Variants in SLCO3A1 observed in about 807,000 individuals in gnomAD.
SLCO3A1 encodes solute carrier organic anion transporter family member 3A1.
In SLCO3A1, 27 loss-of-function variants were observed where a neutral mutation model predicts 63.1. The ratio of observed to expected loss-of-function variants is 0.43; its 90% CI spans 0.32 to 0.59. The LOEUF is 0.59. Ranked by LOEUF, SLCO3A1 falls within the 20% of genes least tolerant of loss-of-function variation. SLCO3A1 has a pLI of 0.09. For synonymous variants in SLCO3A1, 473 were observed against 409.9 expected (o/e 1.15, Z -1.86); for missense variants, 773 against 945.8 (o/e 0.82, Z 2.40).
chr15:91,954,927 T>C lies in SLCO3A1; in HGVS notation c.646+38469T>C, dbSNP rs1033729031. ...TCCTAGGAATTAGGCCCTTCTTGGC[T>C]CTGTGCCCTGAGCCATGTTCTCCTC... is the stretch of plus-strand genomic sequence containing the variant. On this transcript the variant is annotated intron_variant, in intron 2 of 9. Coordinates refer to ENST00000318445, the MANE Select transcript of SLCO3A1 (RefSeq NM_013272.4). This position sits in a 1 kb window ranked among gnomAD's most constrained non-coding sequence, Gnocchi z 4.7. Among the ~76,000 whole-genome samples the C allele has an allele frequency of 6.6e-6, 1 of 152,152 alleles. No individual in the cohort carries two copies.
At chr15:92,061,072 G>A (rs2047080982) in intron 2 of SLCO3A1, among the ~76,000 whole-genome samples, 1 of 152,230 alleles carries the variant, frequency 6.6e-6, no homozygotes. Flanking sequence ...GACATCCACA[G>A]TAATTAATGA....
chr15:91,961,066 T>C (rs763716493), intron 2 of SLCO3A1, among the ~76,000 whole-genome samples: 1 of 152,206 alleles, frequency 6.6e-6, no homozygotes, highest in Non-Finnish European at 1.5e-5. Context: ...GTGGCCCTTT[T>C]CTGAATGAAA....
At chr15:92,054,297 AT>A (rs1312706729) in intron 2 of SLCO3A1, among the ~76,000 whole-genome samples, 2 of 152,248 alleles carry the variant, frequency 1.3e-5, no homozygotes, top group Non-Finnish European at 2.9e-5. Flanking sequence ...TGTCCTAAAA[AT>A]TGAATGATTT....
At chr15:91,977,033 T>G (rs1470621397) in intron 2 of SLCO3A1, among the ~76,000 whole-genome samples, 1 of 152,124 alleles carries the variant, frequency 6.6e-6, no homozygotes, top group Non-Finnish European at 1.5e-5. Context: ...AATTTCCTCT[T>G]CCTGATAATC....
chr15:92,101,231 G>T (rs548662549), intron 3 of SLCO3A1, among the ~76,000 whole-genome samples: 145 of 152,264 alleles, frequency 9.5e-4, no homozygotes, highest in African/African-American at 3.3e-3. Context: ...TTTGTTAGCT[G>T]GGCACAGTGG....
chr15:91,877,593 CAG>C (rs1897432164), intron 1 of SLCO3A1, among the ~76,000 whole-genome samples: 1 of 152,074 alleles, frequency 6.6e-6, no homozygotes, highest in East Asian at 1.9e-4. Context: ...TCTGCAGAAA[CAG>C]AGGCTCCACA....
chr15:91,864,728 T>A (rs1036966010), intron 1 of SLCO3A1, among the ~76,000 whole-genome samples: 1 of 152,214 alleles, frequency 6.6e-6, no homozygotes, highest in Non-Finnish European at 1.5e-5. Context: ...GTGTGACAAG[T>A]GACACATTTA....
intron 2 of SLCO3A1, among the ~76,000 whole-genome samples, chr15:92,053,134 A>G (rs2046977580): frequency 6.6e-6 from 1 of 152,078 alleles, no homozygotes; most frequent in Non-Finnish European, 1.5e-5. Flanking sequence ...TGTGCCAGGC[A>G]CCGTGTAGAT....
In SLCO3A1 at chr15:91,991,378, A is replaced by T. The variant is rs148706966; in HGVS notation, c.646+74920A>T. Among the ~76,000 whole-genome samples, 86 of 152,264 alleles carry T rather than the reference A, an allele frequency of 5.6e-4. No individual in the cohort carries two copies. In the East Asian group the frequency reaches 0.016, roughly 28 times the overall value. ...CATGTCTCAAAAAAAAAAATTGCCC[A>T]ATTTTATATGTGTTAACAGTTGTTT... On this transcript the variant is annotated intron_variant, in intron 2 of 9. Transcript: ENST00000318445.
intron 1 of SLCO3A1, among the ~76,000 whole-genome samples, chr15:91,874,703 G>T (rs147661972): frequency 2.0e-4 from 31 of 152,148 alleles, no homozygotes; most frequent in Non-Finnish European, 3.7e-4. Context: ...TCCGATCATC[G>T]CTGTAGAGCT....
At chr15:91,963,419 G>C (rs185236557) in intron 2 of SLCO3A1, among the ~76,000 whole-genome samples, 83 of 115,564 alleles carry the variant, frequency 7.2e-4, no homozygotes, top group African/African-American at 8.8e-4. Flanking sequence ...GGGGGGGGGG[G>C]GCGGCAGCAG....
intron 2 of SLCO3A1, among the ~76,000 whole-genome samples, chr15:92,065,199 C>T (rs1319919637): frequency 6.6e-6 from 1 of 152,158 alleles, no homozygotes; most frequent in Non-Finnish European, 1.5e-5. Context: ...TCTCCTGCCT[C>T]GGCCTCCCAA....
In SLCO3A1 at chr15:92,165,127, G is replaced by T. The variant is rs1294186902; in HGVS notation, c.*1992G>T. 5 of 985,300 alleles carry T rather than the reference G, an allele frequency of 5.1e-6. No homozygotes were observed. The East Asian group carries it at 5.7e-4, about 112-fold the overall frequency. The allele number at this position is 985,300 out of a possible 1,614,324, so 61.0% of individuals were successfully genotyped here. A position where few individuals can be genotyped will look rare whatever the true frequency, so the allele number is the denominator to read the frequency against. On this transcript the variant is annotated 3_prime_UTR_variant, in exon 10 of 10. Transcript: ENST00000318445. ...AGGCTTGAATGACAGCCCAAATCTA[G>T]AGAAGGCACTCAGCAAGACCAACCA...
chr15:92,052,251 A>C (rs2046967114), intron 2 of SLCO3A1, among the ~76,000 whole-genome samples: 1 of 152,158 alleles, frequency 6.6e-6, no homozygotes, highest in African/African-American at 2.4e-5. Context: ...AGATGGGGTC[A>C]GCATTGTATC....
chr15:92,117,693 C>T (rs1347309441), intron 4 of SLCO3A1, among the ~76,000 whole-genome samples: 1 of 152,212 alleles, frequency 6.6e-6, no homozygotes, highest in Non-Finnish European at 1.5e-5. Flanking sequence ...TCTCCTGCCA[C>T]AGGTACACTA....
intron 1 of SLCO3A1, among the ~76,000 whole-genome samples, chr15:91,896,539 G>C (rs567539182): frequency 1.3e-5 from 2 of 152,256 alleles, no homozygotes; most frequent in Admixed American, 6.5e-5. Flanking sequence ...TTCCCGTGCT[G>C]TTCTCGTGAT....
Position 92,163,338 on chromosome 15 carries a change from C to T in SLCO3A1, c.*203C>T, listed in dbSNP as rs78107781. On this transcript the variant is annotated 3_prime_UTR_variant, in exon 10 of 10. Coordinates refer to ENST00000318445, the MANE Select transcript of SLCO3A1 (RefSeq NM_013272.4). ...ATTCAGAATAAGGAGAGAATGACATCGTGCGGCAGGGTCCTGGAGGCCACT... is the reference window on the plus strand; with the variant it reads ...ATTCAGAATAAGGAGAGAATGACATTGTGCGGCAGGGTCCTGGAGGCCACT... The T allele has an allele frequency of 8.2e-6, 10 of 1,216,612 alleles. No homozygotes were observed. Among genetic ancestry groups the T allele is most frequent in the Admixed American group, 4.2e-5 (1 of 23,994 alleles). 75.4% of individuals were successfully genotyped at this position (1,216,612 alleles called of 1,614,324 possible).
At chr15:92,063,988 G>A (rs1360311488) in intron 2 of SLCO3A1, among the ~76,000 whole-genome samples, 3 of 152,226 alleles carry the variant, frequency 2.0e-5, no homozygotes, top group Non-Finnish European at 2.9e-5. Flanking sequence ...CCATTTCATA[G>A]ATGGGATGAA....
chr15:92,172,120 G>A (rs560418078), exon 11 of SLCO3A1: 1 of 387,706 alleles, frequency 2.6e-6, no homozygotes, highest in South Asian at 5.8e-5. Context: ...TGCTGACCTG[G>A]TGTGCAAATT....
Sources: gnomAD v4.1 joint callset for allele counts (sites outside exome capture counted in the v4.1 genomes callset) on GRCh38, gnomAD v4.1.1 for gene constraint, Gnocchi (gnomAD v3.1) non-coding constraint, MANE v1.5 for transcripts, NCBI Gene and HGNC (gene_info 2026-07-23, HGNC 2026-07-21) for gene names.